The following CAPN1 variants were observed in gnomAD, a reference collection of about 807,000 sequenced individuals.
The protein encoded by CAPN1 is calpain-1 catalytic subunit.
CAPN1 carries 77 observed loss-of-function variants against 105.2 expected under a neutral mutation model. The observed-to-expected ratio is 0.73, with a 90% confidence interval of 0.61 to 0.88. CAPN1 has a LOEUF of 0.88. Ranked by LOEUF, CAPN1 falls within the 40% of genes least tolerant of loss-of-function variation. The pLI, the probability that CAPN1 is intolerant of heterozygous loss-of-function variation, is 0.00. For missense variants in CAPN1, 833 were observed against 976.6 expected (o/e 0.85, Z 1.96); for synonymous variants, 355 against 388.8 (o/e 0.91, Z 1.02).
Position 65,209,321 on chromosome 11 carries a change from A to G in CAPN1, c.1730-2A>G. 6.2e-7 allele frequency: 1 copy of G among 1,613,294 alleles called. No individual in the cohort carries two copies. The highest frequency in any genetic ancestry group is 1.1e-5 in the South Asian group (1 of 90,954). ...AGATGTTGGAATTGGTTTTTCTTGC[A>G]GACAAAGACCTGCGGACCAAGGGCT... On this transcript the variant is annotated splice_acceptor_variant, in intron 16 of 21. Transcript: ENST00000279247. LOFTEE classifies it high-confidence loss of function. The surrounding 1 kb of genome is among the most constrained non-coding windows in gnomAD (Gnocchi z 4.1).
In CAPN1 at chr11:65,204,724, G is replaced by A; in HGVS notation, c.1207G>A (p.Glu403Lys). Residue 403 changes from glutamate (E) to lysine (K), a missense_variant, in exon 11 of 22, where the codon GAG becomes AAG. Glu to Lys is a moderately conservative substitution (Grantham distance 56). Transcript: ENST00000279247. ...CCCTCAGTTCAAGATCCGGCTGGAT[G>A]AGACGGATGACCCGGACGACTACGG... ...VNPQFKIRLD[E>K]TDDPDDYGDR... is the part of the protein sequence containing the mutation. The A allele has an allele frequency of 2.5e-6, 4 of 1,613,160 alleles. No individual in the cohort carries two copies. Among genetic ancestry groups the A allele is most frequent in the Non-Finnish European group, 3.4e-6 (4 of 1,179,806 alleles).
chr11:65,194,248 C>T (rs1365035115), intron 10 of CAPN1, among the ~76,000 whole-genome samples: 5 of 152,186 alleles, frequency 3.3e-5, no homozygotes, highest in Middle Eastern at 3.4e-3. Context: ...GGATTATAGG[C>T]GTGAGCCACC....
chr11:65,210,214 C>A lies in CAPN1; in HGVS notation c.1942+118C>A. On this transcript the variant is annotated intron_variant, in intron 19 of 21. Coordinates refer to ENST00000279247, the MANE Select transcript of CAPN1 (RefSeq NM_005186.4). The surrounding 1 kb of genome is among the most constrained non-coding windows in gnomAD (Gnocchi z 4.3). ...GTGACATGGTAACAGCCATCTTGTC[C>A]TTTTCCCCACGGTTACTAGCACCCT... 8.7e-7 allele frequency: 1 copy of A among 1,144,040 alleles called. No homozygotes were observed. Among genetic ancestry groups the A allele is most frequent in the Non-Finnish European group, 1.3e-6 (1 of 767,250 alleles). 70.9% of individuals were successfully genotyped at this position (1,144,040 alleles called of 1,614,324 possible).
In CAPN1 at chr11:65,209,461, G is replaced by T; in HGVS notation, c.1794+74G>T. 3.1e-6 allele frequency: 4 copies of T among 1,270,990 alleles called. No homozygotes were observed. The South Asian group carries it at 5.0e-5, about 16-fold the overall frequency. The allele number at this position is 1,270,990 out of a possible 1,614,324, so 78.7% of individuals were successfully genotyped here. A position where few individuals can be genotyped will look rare whatever the true frequency, so the allele number is the denominator to read the frequency against. ...TATCGGTGCTGGGAGAACTGTCCCA[G>T]GACAGCACAGAGAACAGGACAGAGC... On this transcript the variant is annotated intron_variant, in intron 17 of 21. Coordinates refer to ENST00000279247, the MANE Select transcript of CAPN1 (RefSeq NM_005186.4). The surrounding 1 kb of genome is among the most constrained non-coding windows in gnomAD (Gnocchi z 4.1).
intron 10 of CAPN1, among the ~76,000 whole-genome samples, chr11:65,193,089 T>C (rs1423695369): frequency 2.0e-5 from 3 of 151,092 alleles, no homozygotes; most frequent in Admixed American, 2.0e-4. Context: ...CACGCCATTC[T>C]CCTGCCTCAG....
chr11:65,207,640 C>T (rs1223771654), intron 14 of CAPN1, among the ~76,000 whole-genome samples: 1 of 151,840 alleles, frequency 6.6e-6, no homozygotes, highest in Non-Finnish European at 1.5e-5. Context: ...AAGCCGGGCT[C>T]AGTGGCTCAC....
Position 65,209,415 on chromosome 11 carries a change from G to A in CAPN1, c.1794+28G>A, listed in dbSNP as rs1379363763. 3 of 1,602,018 alleles carry A rather than the reference G, an allele frequency of 1.9e-6. No individual in the cohort carries two copies. The highest frequency in any genetic ancestry group is 4.5e-5 in the East Asian group (2 of 44,736). ...ATCCTTCCGTTTGCTTTTGTCTCCT[G>A]AGTGGGGTTTTGGGTGGAGGTATCG... On this transcript the variant is annotated intron_variant, in intron 17 of 21. Transcript: ENST00000279247. The surrounding 1 kb of genome is among the most constrained non-coding windows in gnomAD (Gnocchi z 4.1).
intron 11 of CAPN1, 35 bp downstream of exon 11, chr11:65,204,893 G>A (rs774248308): frequency 1.3e-6 from 2 of 1,570,804 alleles, no homozygotes; most frequent in East Asian, 2.3e-5. Flanking sequence ...ATCTCACTGA[G>A]CAGGCAGAGG....
At position 65,208,397 on chromosome 11, in the gene CAPN1, A is replaced by G. The variant is rs1388925316; in HGVS notation, c.1729+135A>G. On this transcript the variant is annotated intron_variant, in intron 16 of 21. Coordinates refer to ENST00000279247, the MANE Select transcript of CAPN1 (RefSeq NM_005186.4). This position sits in a 1 kb window ranked among gnomAD's most constrained non-coding sequence, Gnocchi z 4.1. ...GGAATCCTCCAGTTTTTCTGAGCCCAGTTCCCTGCCATTTCCATCCCATAC... is the reference window on the plus strand; with the variant it reads ...GGAATCCTCCAGTTTTTCTGAGCCCGGTTCCCTGCCATTTCCATCCCATAC... 14 of 822,746 alleles carry G rather than the reference A, an allele frequency of 1.7e-5. No homozygotes were observed. In the South Asian group the frequency reaches 2.2e-4, roughly 13 times the overall value. The allele number at this position is 822,746 out of a possible 1,614,324, so 51.0% of individuals were successfully genotyped here. A position where few individuals can be genotyped will look rare whatever the true frequency, so the allele number is the denominator to read the frequency against.
At chr11:65,191,944 G>A (rs974720400) in intron 10 of CAPN1, among the ~76,000 whole-genome samples, 1 of 152,074 alleles carries the variant, frequency 6.6e-6, no homozygotes, top group African/African-American at 2.4e-5. Context: ...GACTAATGAA[G>A]TTTAATATTG....
intron 14 of CAPN1, 24 bp downstream of exon 14, chr11:65,206,843 C>T (rs1358921598): frequency 1.2e-6 from 2 of 1,603,334 alleles, no homozygotes; most frequent in Non-Finnish European, 1.7e-6. Flanking sequence ...CCCCACCAGG[C>T]CCCGTCCTCC....
At chr11:65,185,001 TG>T (rs1399937788) in intron 4 of CAPN1, among the ~76,000 whole-genome samples, 1 of 152,096 alleles carries the variant, frequency 6.6e-6, no homozygotes, top group Non-Finnish European at 1.5e-5. Flanking sequence ...TGTCTATATG[TG>T]GTATGCATGT....
At chr11:65,193,315 T>C (rs1948745586) in intron 10 of CAPN1, among the ~76,000 whole-genome samples, 1 of 152,004 alleles carries the variant, frequency 6.6e-6, no homozygotes, top group African/African-American at 2.4e-5. Context: ...TGTATAATAA[T>C]GTCCCCTTTT....
At chr11:65,199,689 C>T (rs780789301) in intron 10 of CAPN1, among the ~76,000 whole-genome samples, 1 of 152,114 alleles carries the variant, frequency 6.6e-6, no homozygotes. Context: ...CTTTTTTGCT[C>T]TGTCAAATCT....
Position 65,188,790 on chromosome 11 carries a change from G to C in CAPN1, c.1165+44G>C. 1 of 1,518,308 alleles carries C rather than the reference G, an allele frequency of 6.6e-7. No individual in the cohort carries two copies. The highest frequency in any genetic ancestry group is 2.0e-5 in the Admixed American group (1 of 50,184). 94.1% of individuals were successfully genotyped at this position (1,518,308 alleles called of 1,614,324 possible). On this transcript the variant is annotated intron_variant, in intron 10 of 21. Transcript: ENST00000279247. The surrounding 1 kb of genome is among the most constrained non-coding windows in gnomAD (Gnocchi z 5.5). ...TGGGTCTTGCTGCTTCCTGGCTTAGGGGCTCCAGAAGGCACGTCATCTTAC... is the reference window on the plus strand; with the variant it reads ...TGGGTCTTGCTGCTTCCTGGCTTAGCGGCTCCAGAAGGCACGTCATCTTAC...
intron 10 of CAPN1, among the ~76,000 whole-genome samples, chr11:65,200,932 CTTTTTTTTTTTTTT>C (rs56897147): frequency 1.2e-3 from 61 of 49,456 alleles, no homozygotes; most frequent in South Asian, 4.1e-3. Context: ...CCATGCCTGG[CTTTTTTTTTTTTTT>C]TTTTTTTTTT....
At chr11:65,201,218 A>G (rs1360658484) in intron 10 of CAPN1, among the ~76,000 whole-genome samples, 1 of 151,764 alleles carries the variant, frequency 6.6e-6, no homozygotes, top group Non-Finnish European at 1.5e-5. Flanking sequence ...TGCTGAGATT[A>G]CAGGTGTGAG....
Position 65,204,878 on chromosome 11 carries a change from G to T in CAPN1, c.1341+20G>T. The T allele has an allele frequency of 6.3e-7, 1 of 1,591,434 alleles. No homozygotes were observed. Among genetic ancestry groups the T allele is most frequent in the Non-Finnish European group, 8.6e-7 (1 of 1,163,724 alleles). On this transcript the variant is annotated intron_variant, in intron 11 of 21. Coordinates refer to ENST00000279247, the MANE Select transcript of CAPN1 (RefSeq NM_005186.4). The stretch of plus-strand genomic sequence containing the variant: ...TACGAGGTCAGGAGGGTGGATCACC[G>T]GTGGATCTCACTGAGCAGGCAGAGG...
At chr11:65,201,816 CTTTTGT>C (rs368633458) in intron 10 of CAPN1, among the ~76,000 whole-genome samples, 7,622 of 146,186 alleles carry the variant, frequency 0.052, 280 homozygotes, top group Non-Finnish European at 0.082. Context: ...CCGCGCCCGG[CTTTTGT>C]TTTTGTTTTT....
Sources: allele counts gnomAD v4.1 joint callset (sites outside exome capture counted in the v4.1 genomes callset), GRCh38; gene constraint gnomAD v4.1.1; non-coding constraint Gnocchi (gnomAD v3.1); transcripts MANE v1.5; gene names NCBI Gene and HGNC (gene_info 2026-07-23, HGNC 2026-07-21).